The following NOL11 variants were observed in gnomAD, a reference collection of about 807,000 sequenced individuals.
NOL11 encodes nucleolar protein 11.
Under a neutral mutation model 93.0 loss-of-function variants are expected in NOL11, and 42 were observed. The observed-to-expected ratio is 0.45, with a 90% CI of 0.35 to 0.58. The LOEUF (loss-of-function observed/expected upper bound fraction) is 0.58. Ranked by LOEUF, NOL11 falls within the 20% of genes least tolerant of loss-of-function variation. The pLI is 0.00. For missense variants in NOL11, 775 were observed against 841.8 expected (o/e 0.92, Z 0.98); for synonymous variants, 296 against 293.7 (o/e 1.01, Z -0.08).
intron 7 of NOL11, among the ~76,000 whole-genome samples, chr17:67,728,479 G>T (rs746470578): frequency 6.6e-6 from 1 of 152,022 alleles, no homozygotes; most frequent in Admixed American, 6.6e-5. Flanking sequence ...GTACCCTGCC[G>T]CTCTTAAGTC....
chr17:67,733,039 TGTGAGTAGA>T (rs2055169004), intron 7 of NOL11, among the ~76,000 whole-genome samples: 1 of 152,148 alleles, frequency 6.6e-6, no homozygotes, highest in South Asian at 2.1e-4. Context: ...TCATGTCATC[TGTGAGTAGA>T]GTTAGTTTTA....
chr17:67,721,494 T>TG lies in NOL11; in HGVS notation c.430dup (p.Glu144GlyfsTer6). ...TGCTTGCAGACCCCCAGCAGAAAATTGAAACTGTTATCTCTGATGAAGAAG... is the reference window on the plus strand; with the variant it reads ...TGCTTGCAGACCCCCAGCAGAAAATTGGAAACTGTTATCTCTGATGAAGAAG... On this transcript the variant is annotated frameshift_variant, in exon 4 of 18. Transcript: ENST00000253247. LOFTEE classifies it high-confidence loss of function. 1.2e-6 allele frequency: 2 copies of TG among 1,613,920 alleles called. No individual in the cohort carries two copies. Among genetic ancestry groups the TG allele is most frequent in the Non-Finnish European group, 1.7e-6 (2 of 1,179,920 alleles).
At chr17:67,722,550 C>G (rs772262795) in intron 4 of NOL11, 30 bp from the exon 5 acceptor site, 2 of 1,558,982 alleles carry the variant, frequency 1.3e-6, no homozygotes, top group South Asian at 1.2e-5. Flanking sequence ...TTTTTGCATC[C>G]TATAATTTTT....
chr17:67,738,016 A>C (rs1567805092), intron 13 of NOL11, 44 bp downstream of exon 13: 2 of 1,567,022 alleles, frequency 1.3e-6, no homozygotes, highest in Non-Finnish European at 1.7e-6. Flanking sequence ...TACATTTATA[A>C]TCTGTTACAT....
chr17:67,741,861 G>A (rs966241330), intron 16 of NOL11, among the ~76,000 whole-genome samples: 1 of 152,092 alleles, frequency 6.6e-6, no homozygotes, highest in African/African-American at 2.4e-5. Flanking sequence ...ACCGCACCCG[G>A]CCCACTCAGC....
chr17:67,730,215 G>A (rs867147382), intron 7 of NOL11, among the ~76,000 whole-genome samples: 2 of 152,002 alleles, frequency 1.3e-5, no homozygotes, highest in African/African-American at 4.8e-5. Flanking sequence ...ATGAACATTC[G>A]TGTGCATGTA....
chr17:67,725,174 T>C lies in NOL11; in HGVS notation c.664+981T>C, dbSNP rs118067322. Among the ~76,000 whole-genome samples the C allele has an allele frequency of 4.1e-4, 63 of 152,348 alleles. No individual in the cohort carries two copies. In the East Asian group the frequency reaches 0.012, roughly 28 times the overall value. ...AAGGCCCAGGTTCTTTGAGTGTAAT[T>C]AGTGAAACATAAACTGTCTATGCTT... On this transcript the variant is annotated intron_variant, in intron 6 of 17. Coordinates refer to ENST00000253247, the MANE Select transcript of NOL11 (RefSeq NM_015462.5).
chr17:67,740,439 G>A (rs1456503931), intron 16 of NOL11, among the ~76,000 whole-genome samples: 9 of 151,414 alleles, frequency 5.9e-5, no homozygotes, highest in Non-Finnish European at 8.8e-5. Flanking sequence ...GAGAAACCCC[G>A]TCTCTACTAA....
chr17:67,719,941 G>A lies in NOL11; in HGVS notation c.291G>A (p.Leu97=). Reference sequence around the variant, plus strand: ...TATGGAATAATGAAGATGTAAACCTGGATAAAGTATTTAAAGCTACAGTAA... The same window carrying A: ...TATGGAATAATGAAGATGTAAACCTAGATAAAGTATTTAAAGCTACAGTAA... ...LRIWNNEDVN[L]DKVFKATLSA... The change falls in exon 3 of 18, where the codon CTG becomes CTA. Residue 97 remains leucine (L), a synonymous_variant. Transcript: ENST00000253247. The A allele has an allele frequency of 6.4e-7, 1 of 1,570,456 alleles. No individual in the cohort carries two copies.
At chr17:67,741,906 C>A (rs1163918022) in intron 16 of NOL11, among the ~76,000 whole-genome samples, 1 of 152,186 alleles carries the variant, frequency 6.6e-6, no homozygotes, top group Non-Finnish European at 1.5e-5. Context: ...AGTAGACATA[C>A]ATCTGCCTCA....
At chr17:67,719,591 TTTCTTTTATTGA>T in intron 1 of NOL11, 71 bp from the exon 2 acceptor site, 1 of 736,268 alleles carries the variant, frequency 1.4e-6, no homozygotes, top group Non-Finnish European at 2.2e-6. Flanking sequence ...ATTTTAATGG[TTTCTTTTATTGA>T]TTATAAACTT....
intron 9 of NOL11, 33 bp from the exon 10 acceptor site, chr17:67,736,633 A>G: frequency 7.1e-7 from 1 of 1,417,678 alleles, no homozygotes; most frequent in Non-Finnish European, 9.8e-7. Flanking sequence ...AAGTCAAAAC[A>G]TTCCAGAAAT....
chr17:67,722,295 AGG>A (rs2043222914), intron 4 of NOL11, among the ~76,000 whole-genome samples: 1 of 152,232 alleles, frequency 6.6e-6, no homozygotes, highest in Non-Finnish European at 1.5e-5. Context: ...AAAATGAGGT[AGG>A]GGAGTCAATT....
intron 7 of NOL11, among the ~76,000 whole-genome samples, chr17:67,728,758 A>C (rs1159678783): frequency 2.0e-5 from 3 of 152,170 alleles, no homozygotes; most frequent in Admixed American, 6.5e-5. Flanking sequence ...GATCTCTCAG[A>C]GATCATTCCA....
rs772594576 is a variant in NOL11, at chr17:67,719,673, G to C, written c.142-1G>C. The stretch of plus-strand genomic sequence containing the variant: ...TATTGTATTTATCTTAATTTCATTA[G>C]GTTTCTGATCAGAAACCCTTGGGGA... On this transcript the variant is annotated splice_acceptor_variant, in intron 1 of 17. Coordinates refer to ENST00000253247, the MANE Select transcript of NOL11 (RefSeq NM_015462.5). LOFTEE classifies it high-confidence loss of function. 8.0e-6 allele frequency: 12 copies of C among 1,495,446 alleles called. No individual in the cohort carries two copies. Among genetic ancestry groups the C allele is most frequent in the Non-Finnish European group, 2.8e-6 (3 of 1,081,292 alleles). 92.6% of individuals were successfully genotyped at this position (1,495,446 alleles called of 1,614,324 possible).
rs1357315429 is a variant in NOL11 at position 67,743,787 on chromosome 17, G to A, written c.2088G>A (p.Arg696=). 3 of 1,550,066 alleles carry A rather than the reference G, an allele frequency of 1.9e-6. No homozygotes were observed. The highest frequency in any genetic ancestry group is 2.3e-5 in the Admixed American group (1 of 43,348). ...TCAACAAGATTGAAGTAAGTTTTCGGGAGCTACAGAAATTAAATCAAGAAA... is the reference window on the plus strand; with the variant it reads ...TCAACAAGATTGAAGTAAGTTTTCGAGAGCTACAGAAATTAAATCAAGAAA... The part of the protein sequence containing the change: ...SELNKIEVSF[R]ELQKLNQEKN... The change falls in exon 18 of 18, where the codon CGG becomes CGA. Residue 696 remains arginine (R), a synonymous_variant. Coordinates refer to ENST00000253247, the MANE Select transcript of NOL11 (RefSeq NM_015462.5).
chr17:67,720,047 A>T (rs1385724808), intron 3 of NOL11, 85 bp downstream of exon 3: 2 of 1,259,330 alleles, frequency 1.6e-6, no homozygotes, highest in Non-Finnish European at 2.2e-6. Flanking sequence ...TATTTATTTT[A>T]ATACCTCTGG....
intron 5 of NOL11, among the ~76,000 whole-genome samples, chr17:67,723,690 A>T (rs1253457582): frequency 6.6e-6 from 1 of 151,798 alleles, no homozygotes; most frequent in East Asian, 1.9e-4. Flanking sequence ...CCCAGCCTCT[A>T]ACTTTTTTAT....
At chr17:67,723,759 A>G (rs1042892302) in intron 5 of NOL11, among the ~76,000 whole-genome samples, 3 of 149,340 alleles carry the variant, frequency 2.0e-5, no homozygotes, top group African/African-American at 7.4e-5. Flanking sequence ...AAAAAAAAAT[A>G]GTGTAGCATG....
Sources: allele counts gnomAD v4.1 joint callset (sites outside exome capture counted in the v4.1 genomes callset), GRCh38; gene constraint gnomAD v4.1.1; transcripts MANE v1.5; gene names NCBI Gene and HGNC (gene_info 2026-07-23, HGNC 2026-07-21).